The following TLK1 variants were observed in gnomAD, a reference collection of about 807,000 sequenced individuals.
TLK1 encodes serine/threonine-protein kinase tousled-like 1.
In TLK1, 24 loss-of-function variants were observed where a neutral mutation model predicts 105.3. The ratio of observed to expected loss-of-function variants is 0.23; its 90% CI spans 0.17 to 0.32. The LOEUF is 0.32. Ranked by LOEUF, TLK1 falls within the 10% of genes least tolerant of loss-of-function variation. The pLI, the probability that TLK1 is intolerant of heterozygous loss-of-function variation, is 1.00. For missense variants in TLK1, 558 were observed against 910.5 expected (o/e 0.61, Z 4.98); for synonymous variants, 321 against 310.4 (o/e 1.03, Z -0.36).
chr2:171,212,708 G>T (rs1206802304), intron 1 of TLK1, among the ~76,000 whole-genome samples: 1 of 152,054 alleles, frequency 6.6e-6, no homozygotes, highest in Non-Finnish European at 1.5e-5. Context: ...TATCATCAAA[G>T]GACATTTATT....
intron 1 of TLK1, among the ~76,000 whole-genome samples, chr2:171,206,873 T>C (rs1415408650): frequency 6.6e-6 from 1 of 152,196 alleles, no homozygotes; most frequent in Non-Finnish European, 1.5e-5. Flanking sequence ...CCTATGAGAA[T>C]GGGCAAAATT....
At chr2:171,190,038 T>C (rs1047576082) in intron 1 of TLK1, among the ~76,000 whole-genome samples, 10 of 152,238 alleles carry the variant, frequency 6.6e-5, no homozygotes, top group African/African-American at 1.9e-4. Context: ...CCTGGCAATA[T>C]GTTCACAAGG....
chr2:171,110,662 A>G, intron 2 of TLK1, among the ~76,000 whole-genome samples: 1 of 152,210 alleles, frequency 6.6e-6, no homozygotes, highest in African/African-American at 2.4e-5. Context: ...GCATCTCTTA[A>G]AAACCTAAAC....
chr2:171,137,883 T>TA lies in TLK1; in HGVS notation c.140-20027dup, dbSNP rs1325279656. Among the ~76,000 whole-genome samples, 795 of 147,632 alleles carry TA rather than the reference T, an allele frequency of 5.4e-3. 7 individuals are homozygous for TA. The highest frequency in any genetic ancestry group is 0.018 in the African/African-American group (728 of 40,298). ...TAAAATAAAATAAAAAAGTAAAAAA[T>TA]AAAAAAAAAACTTTCATTAGTTATT... is the stretch of plus-strand genomic sequence containing the variant. On this transcript the variant is annotated intron_variant, in intron 1 of 20. Coordinates refer to ENST00000431350, the MANE Select transcript of TLK1 (RefSeq NM_012290.5).
intron 1 of TLK1, among the ~76,000 whole-genome samples, chr2:171,217,542 C>G (rs1449002979): frequency 6.6e-6 from 1 of 152,156 alleles, no homozygotes; most frequent in African/African-American, 2.4e-5. Context: ...GAAAAGCAGA[C>G]AGCAGGAGGG....
chr2:171,014,887 C>T lies in TLK1; in HGVS notation c.1298G>A (p.Arg433His), dbSNP rs1685099682. 3 of 1,613,584 alleles carry T rather than the reference C, an allele frequency of 1.9e-6. No individual in the cohort carries two copies. Among genetic ancestry groups the T allele is most frequent in the Admixed American group, 3.3e-5 (2 of 59,980 alleles). The change falls in exon 13 of 21, where the codon CGT (arginine) becomes CAT (histidine). Residue 433 changes from arginine (R) to histidine (H), a missense_variant. This residue lies in a region of TLK1 where 218 missense variants were observed against 492.9 expected (regional missense o/e 0.44). Coordinates refer to ENST00000431350, the MANE Select transcript of TLK1 (RefSeq NM_012290.5). ...TTCATTGTTTATTCTTTTCAGCTCA[C>T]GTATGTGAAGATTTCTGACTCTTTC... Reference protein sequence around the residue: ...RLERVRNLHIRELKRINNEDN... With the variant: ...RLERVRNLHIHELKRINNEDN...
At chr2:171,050,829 C>A (rs1575553617) in intron 8 of TLK1, among the ~76,000 whole-genome samples, 1 of 152,168 alleles carries the variant, frequency 6.6e-6, no homozygotes, top group South Asian at 2.1e-4. Flanking sequence ...GGGCTTGTTA[C>A]AACAGATTAC....
At chr2:171,117,655 C>T (rs766329743) in intron 2 of TLK1, 84 bp downstream of exon 2, 76 of 1,065,716 alleles carry the variant, frequency 7.1e-5, no homozygotes, top group Non-Finnish European at 9.5e-5. Context: ...CTGTTAAGCA[C>T]GTTATGTAGG....
intron 18 of TLK1, among the ~76,000 whole-genome samples, chr2:171,004,397 C>G (rs768966106): frequency 6.6e-6 from 1 of 151,836 alleles, no homozygotes; most frequent in Admixed American, 6.6e-5. Context: ...CATTTCAAAC[C>G]TATATTATTC....
intron 1 of TLK1, among the ~76,000 whole-genome samples, chr2:171,202,230 C>T (rs1353990121): frequency 3.3e-5 from 5 of 152,046 alleles, no homozygotes; most frequent in African/African-American, 4.8e-5. Context: ...CCGAGGAGGG[C>T]GGATCACCTG....
In TLK1 at chr2:171,160,545, T is replaced by G. The variant is rs1575640495; in HGVS notation, c.-117A>C. On this transcript the variant is annotated 5_prime_UTR_variant, in exon 1 of 21. Transcript: ENST00000431350. This position sits in a 1 kb window ranked among gnomAD's most constrained non-coding sequence, Gnocchi z 4.4. ...TGAGGGCGAGCGAGAGAGCGAGGGC[T>G]GGGAGGGGAGAGTCAAGGGGATGGG... 1.5e-5 allele frequency: 21 copies of G among 1,408,998 alleles called. No individual in the cohort carries two copies. Among genetic ancestry groups the G allele is most frequent in the South Asian group, 5.7e-5 (4 of 69,800 alleles). 87.3% of individuals were successfully genotyped at this position (1,408,998 alleles called of 1,614,324 possible).
In TLK1 at chr2:170,993,750, C is replaced by A. The variant is rs1461866477; in HGVS notation, c.*30G>T. 1.4e-6 allele frequency: 2 copies of A among 1,431,010 alleles called. No homozygotes were observed. The highest frequency in any genetic ancestry group is 9.3e-7 in the Non-Finnish European group (1 of 1,080,324). The allele number at this position is 1,431,010 out of a possible 1,614,324, so 88.6% of individuals were successfully genotyped here. On this transcript the variant is annotated 3_prime_UTR_variant, in exon 21 of 21. Transcript: ENST00000431350. ...TTAAGTGTGCATCTGGAAGCAAATTCAAAGATATCATGCCAATCTTGGAGG... is the reference window on the plus strand; with the variant it reads ...TTAAGTGTGCATCTGGAAGCAAATTAAAAGATATCATGCCAATCTTGGAGG...
chr2:171,060,909 A>G (rs1358363809), intron 4 of TLK1, among the ~76,000 whole-genome samples, 172 bp downstream of exon 4: 1 of 152,246 alleles, frequency 6.6e-6, no homozygotes, highest in African/African-American at 2.4e-5. Flanking sequence ...AATGAAAACA[A>G]TAAGGGCAAC....
At chr2:171,223,469 A>G (rs112913913) in intron 1 of TLK1, among the ~76,000 whole-genome samples, 42,106 of 142,510 alleles carry the variant, frequency 0.3, 6,653 homozygotes, top group East Asian at 0.53. Context: ...ATGTCTATTC[A>G]GGTATTTTGC....
chr2:170,993,685 A>G lies in TLK1; in HGVS notation c.*95T>C, dbSNP rs531049938. 3.0e-4 allele frequency: 295 copies of G among 994,166 alleles called. 1 individual carries two copies. The highest frequency in any genetic ancestry group is 6.9e-4 in the Middle Eastern group (2 of 2,882). The allele number at this position is 994,166 out of a possible 1,614,324, so 61.6% of individuals were successfully genotyped here. A position where few individuals can be genotyped will look rare whatever the true frequency, so the allele number is the denominator to read the frequency against. The stretch of plus-strand genomic sequence containing the variant: ...GTCTTGTGTAAAAAAAAAAAAAAAA[A>G]AAAAAGAAAAAGAAAACAAACACTC... On this transcript the variant is annotated 3_prime_UTR_variant, in exon 21 of 21. Coordinates refer to ENST00000431350, the MANE Select transcript of TLK1 (RefSeq NM_012290.5).
At chr2:171,071,388 C>A (rs960632685) in intron 3 of TLK1, among the ~76,000 whole-genome samples, 1 of 151,930 alleles carries the variant, frequency 6.6e-6, no homozygotes, top group African/African-American at 2.4e-5. Flanking sequence ...CCCGGGTTCA[C>A]GCCATTCTCC....
rs1688959430 is a variant in TLK1, at chr2:171,086,070, T to A, written c.259-3218A>T. Among the ~76,000 whole-genome samples the A allele has an allele frequency of 3.3e-5, 5 of 152,246 alleles. No individual in the cohort carries two copies. The South Asian group carries it at 1.0e-3, about 32-fold the overall frequency. On this transcript the variant is annotated intron_variant, in intron 2 of 20. Transcript: ENST00000431350. ...TCTTCGAATTTCATAATTCACAGTATAAAGATGCATATGAAAAAAACCTTA... is the reference window on the plus strand; with the variant it reads ...TCTTCGAATTTCATAATTCACAGTAAAAAGATGCATATGAAAAAAACCTTA...
intron 2 of TLK1, among the ~76,000 whole-genome samples, chr2:171,095,100 C>A (rs1326014375): frequency 1.3e-5 from 2 of 151,960 alleles, no homozygotes; most frequent in African/African-American, 2.4e-5. Flanking sequence ...AAAAACACTG[C>A]ATATCAAAAC....
intron 11 of TLK1, among the ~76,000 whole-genome samples, chr2:171,044,384 A>G (rs7424515): frequency 6.6e-6 from 1 of 152,376 alleles, no homozygotes; most frequent in African/African-American, 2.4e-5. Context: ...GGGGCAAAGT[A>G]TGTGTGTGTA....
Sources: allele counts gnomAD v4.1 joint callset (sites outside exome capture counted in the v4.1 genomes callset), GRCh38; gene constraint gnomAD v4.1.1; regional missense constraint gnomAD v4.1.1; non-coding constraint Gnocchi (gnomAD v3.1); transcripts MANE v1.5; gene names NCBI Gene and HGNC (gene_info 2026-07-23, HGNC 2026-07-21).